The following POLD3 variants were observed in gnomAD, a reference collection of about 807,000 sequenced individuals.
POLD3 encodes DNA polymerase delta subunit 3.
POLD3 carries 19 observed loss-of-function variants against 58.2 expected under a neutral mutation model. The ratio of observed to expected loss-of-function variants is 0.33; its 90% confidence interval spans 0.23 to 0.48. The LOEUF (loss-of-function observed/expected upper bound fraction) is 0.48, where lower values mean the gene tolerates loss of function less well. Ranked by LOEUF, POLD3 falls within the 20% of genes least tolerant of loss-of-function variation. The pLI, the probability that POLD3 is intolerant of heterozygous loss-of-function variation, is 0.99. For synonymous variants in POLD3, 172 were observed against 193.5 expected, an observed-to-expected ratio of 0.89 and a Z score of 0.92; for missense variants, 504 against 545.5, an observed-to-expected ratio of 0.92 and a Z score of 0.76.
chr11:74,634,507 T>C (rs1232569292), intron 9 of POLD3, 76 bp from the exon 10 acceptor site: 1 of 821,724 alleles, frequency 1.2e-6, no homozygotes, highest in Non-Finnish European at 2.1e-6. Flanking sequence ...CATGTCAATT[T>C]AGAGAACCAA....
At position 74,618,796 on chromosome 11, in the gene POLD3, G is replaced by A. The variant is rs149924840; in HGVS notation, c.652G>A (p.Val218Ile). 637 of 1,610,286 alleles carry A rather than the reference G, an allele frequency of 4.0e-4. 4 individuals carry two copies. In the African/African-American group the frequency reaches 7.5e-3, roughly 19 times the overall value. Residue 218 changes from valine (V) to isoleucine (I), a missense_variant, in exon 6 of 12, where the codon GTA becomes ATA. Val to Ile is a conservative substitution (Grantham distance 29, BLOSUM62 3). Transcript: ENST00000263681. ...GGAAACGAAAACAGAGGCTAAAGAAGTAACAAATGTAAGTCTTCTTTGAAG... is the reference window on the plus strand; with the variant it reads ...GGAAACGAAAACAGAGGCTAAAGAAATAACAAATGTAAGTCTTCTTTGAAG... ...NKETKTEAKE[V>I]TNASAAGNKA...
At chr11:74,619,896 C>A in intron 6 of POLD3, 121 bp from the exon 7 acceptor site, 2 of 721,746 alleles carry the variant, frequency 2.8e-6, no homozygotes, top group Admixed American at 2.1e-5. Context: ...CGCGTTTTGG[C>A]ATGATTATAT....
chr11:74,613,476 G>A (rs190814633), intron 5 of POLD3, among the ~76,000 whole-genome samples: 1 of 152,102 alleles, frequency 6.6e-6, no homozygotes, highest in East Asian at 1.9e-4. Context: ...AGGAGGTAAC[G>A]GACTATAATG....
At chr11:74,595,206 A>G (rs933486717) in intron 2 of POLD3, 1 of 105,906 alleles carries the variant, frequency 9.4e-6, no homozygotes, top group Admixed American at 1.2e-4. Context: ...GGGTTTCACT[A>G]TGTTGCCCAG....
Position 74,600,619 on chromosome 11 carries a change from G to A in POLD3, c.117-4073G>A, listed in dbSNP as rs1429924663. On this transcript the variant is annotated intron_variant, in intron 2 of 11. Coordinates refer to ENST00000263681, the MANE Select transcript of POLD3 (RefSeq NM_006591.3). ...CACTGCACTCCAGCCTGGCGACAGA[G>A]CGATACTCTATCTCCAAAAAAACAG... Among the ~76,000 whole-genome samples the A allele has an allele frequency of 4.6e-5, 7 of 151,596 alleles. No homozygotes were observed. In the East Asian group the frequency reaches 1.4e-3, roughly 30 times the overall value.
At chr11:74,602,175 C>T (rs1441402271) in intron 2 of POLD3, among the ~76,000 whole-genome samples, 1 of 152,004 alleles carries the variant, frequency 6.6e-6, no homozygotes, top group Non-Finnish European at 1.5e-5. Flanking sequence ...AACTCCTGTG[C>T]TCAAGCTATC....
At chr11:74,594,745 C>T (rs1482419046) in intron 2 of POLD3, among the ~76,000 whole-genome samples, 9 of 152,162 alleles carry the variant, frequency 5.9e-5, no homozygotes. Context: ...TTCCGCATGG[C>T]TGGGGAGGCC....
chr11:74,619,866 G>A (rs987803427), intron 6 of POLD3, 151 bp from the exon 7 acceptor site: 2 of 588,084 alleles, frequency 3.4e-6, no homozygotes, highest in Admixed American at 2.8e-5. Flanking sequence ...TTCTAGATTT[G>A]TTCTTATATC....
chr11:74,667,479 G>A (rs2033285573), intron 4 of POLD3, among the ~76,000 whole-genome samples: 1 of 152,156 alleles, frequency 6.6e-6, no homozygotes, highest in African/African-American at 2.4e-5. Context: ...GCAGTGAGCC[G>A]AGATCGCGCC....
At chr11:74,636,602 A>G (rs1291117233) in intron 11 of POLD3, among the ~76,000 whole-genome samples, 1 of 152,252 alleles carries the variant, frequency 6.6e-6, no homozygotes, top group Non-Finnish European at 1.5e-5. Context: ...TGGCATAAAT[A>G]TATCCAAAAA....
chr11:74,600,732 T>TTTG lies in POLD3; in HGVS notation c.117-3959_117-3957dup, dbSNP rs2031463193. On this transcript the variant is annotated intron_variant, in intron 2 of 11. Coordinates refer to ENST00000263681, the MANE Select transcript of POLD3 (RefSeq NM_006591.3). The stretch of plus-strand genomic sequence containing the variant: ...TTCCTTTTTTTTTTTTTTTTTTTTT[T>TTTG]TTGAGATAGGATTTTGCTCTTGTTG... 1.4e-5 allele frequency among the ~76,000 whole-genome samples: 2 copies of TTTG among 147,638 alleles called. 1 individual carries two copies. Among genetic ancestry groups the TTTG allele is most frequent in the Non-Finnish European group, 3.0e-5 (2 of 66,606 alleles).
At chr11:74,643,530 TATC>T (rs1392478115), downstream of POLD3, among the ~76,000 whole-genome samples, 1 of 152,088 alleles carries the variant, frequency 6.6e-6, no homozygotes, top group Non-Finnish European at 1.5e-5. Flanking sequence ...GGAGGATGGG[TATC>T]AAGGCAGTCT....
chr11:74,597,112 G>T (rs778217068), intron 2 of POLD3, among the ~76,000 whole-genome samples: 1 of 152,088 alleles, frequency 6.6e-6, no homozygotes, highest in Admixed American at 6.6e-5. Context: ...ATGTATATCC[G>T]TAGTGGGACT....
intron 4 of POLD3, among the ~76,000 whole-genome samples, chr11:74,663,079 G>A (rs751096683): frequency 1.2e-4 from 19 of 152,184 alleles, no homozygotes; most frequent in Non-Finnish European, 2.6e-4. Context: ...TTAAAACCAG[G>A]TACTGTGATT....
At position 74,637,391 on chromosome 11, in the gene POLD3, G is replaced by A. The variant is rs914849777; in HGVS notation, c.1198+1116G>A. Among the ~76,000 whole-genome samples, 13 of 144,404 alleles carry A rather than the reference G, an allele frequency of 9.0e-5. 1 individual carries two copies. Among genetic ancestry groups the A allele is most frequent in the Admixed American group, 7.6e-4 (11 of 14,522 alleles). The allele number at this position is 144,404 out of a possible 152,430, so 94.7% of individuals were successfully genotyped here. On this transcript the variant is annotated intron_variant, in intron 11 of 11. Coordinates refer to ENST00000263681, the MANE Select transcript of POLD3 (RefSeq NM_006591.3). ...TCAGTGCCAAATTTCTTGTGAACCT[G>A]TGAATTCTGGACTTTGAATGGGTTT... is the stretch of plus-strand genomic sequence containing the variant.
At chr11:74,610,099 C>T (rs1054509940) in intron 3 of POLD3, among the ~76,000 whole-genome samples, 2 of 152,108 alleles carry the variant, frequency 1.3e-5, no homozygotes, top group African/African-American at 4.8e-5. Context: ...TTCTTGTTCC[C>T]ACCAACAATG....
intron 7 of POLD3, among the ~76,000 whole-genome samples, chr11:74,623,481 C>A (rs1285196471): frequency 1.3e-5 from 2 of 151,986 alleles, no homozygotes; most frequent in Non-Finnish European, 2.9e-5. Flanking sequence ...TTGTCAGGGG[C>A]TGGACTGGGG....
chr11:74,651,137 T>C (rs145973735), intron 4 of POLD3, among the ~76,000 whole-genome samples: 64 of 152,344 alleles, frequency 4.2e-4, no homozygotes, highest in African/African-American at 1.4e-3. Context: ...CACCACAATA[T>C]AAGTTCTAGG....
intron 6 of POLD3, 129 bp from the exon 7 acceptor site, chr11:74,619,888 C>T (rs938216551): frequency 2.7e-5 from 18 of 674,940 alleles, no homozygotes; most frequent in Non-Finnish European, 4.3e-5. Context: ...AACACCTACG[C>T]GTTTTGGCAT....
Sources: allele counts gnomAD v4.1 joint callset (sites outside exome capture counted in the v4.1 genomes callset), GRCh38; gene constraint gnomAD v4.1.1; transcripts MANE v1.5; gene names NCBI Gene and HGNC (gene_info 2026-07-23, HGNC 2026-07-21).